The following PAPLN variants were observed in gnomAD, a reference collection of about 807,000 sequenced individuals.
PAPLN encodes the protein papilin, proteoglycan like sulfated glycoprotein, also known as papilin.
In PAPLN, 146 loss-of-function variants were observed where a neutral mutation model predicts 159.0. That is an observed-to-expected ratio of 0.92 (90% CI 0.80 to 1.05). PAPLN has a LOEUF of 1.05. Among genes scored for constraint, PAPLN ranks in the 50% least tolerant of loss-of-function variants. The probability of loss-of-function intolerance (pLI) is 0.00; values close to 1 mark genes in which losing one functional copy is unlikely to be tolerated. For synonymous variants in PAPLN, 734 were observed against 702.9 expected (o/e 1.04, Z -0.70); for missense variants, 1,720 against 1,743.9 (o/e 0.99, Z 0.24).
intron 14 of PAPLN, among the ~76,000 whole-genome samples, chr14:73,257,119 A>G (rs927946131): frequency 5.3e-5 from 8 of 152,048 alleles, no homozygotes; most frequent in Admixed American, 2.6e-4. Context: ...TCACAGGTGC[A>G]GGCCACCATG....
chr14:73,267,773 G>T (rs1887364010), intron 25 of PAPLN, among the ~76,000 whole-genome samples: 1 of 152,198 alleles, frequency 6.6e-6, no homozygotes, highest in Non-Finnish European at 1.5e-5. Flanking sequence ...AGCCTGTCAG[G>T]CCTGCTTCTC....
chr14:73,272,745 C>T lies in PAPLN; in HGVS notation c.*81C>T. The stretch of plus-strand genomic sequence containing the variant: ...GGAAGATGGACTCTTGGCTTCCTCT[C>T]TCTGGCTGGCAAAGGGAGTTATCTT... On this transcript the variant is annotated 3_prime_UTR_variant, in exon 27 of 27. Coordinates refer to ENST00000644200, the MANE Select transcript of PAPLN (RefSeq NM_001365906.3). 7.3e-7 allele frequency: 1 copy of T among 1,367,170 alleles called. No homozygotes were observed. Among genetic ancestry groups the T allele is most frequent in the Non-Finnish European group, 9.7e-7 (1 of 1,035,636 alleles). The allele number at this position is 1,367,170 out of a possible 1,614,324, so 84.7% of individuals were successfully genotyped here.
At chr14:73,247,735 CGT>C (rs141324043) in intron 5 of PAPLN, among the ~76,000 whole-genome samples, 16 of 71,504 alleles carry the variant, frequency 2.2e-4, no homozygotes, top group Admixed American at 3.5e-4. Flanking sequence ...GTCCTCTGTG[CGT>C]GTGTGTGTGT....
intron 12 of PAPLN, 60 bp from the exon 13 acceptor site, chr14:73,254,453 C>T (rs879218971): frequency 5.5e-5 from 87 of 1,585,400 alleles, no homozygotes; most frequent in Middle Eastern, 1.7e-4. Context: ...GCTAGCTGTC[C>T]GAACTGGCGT....
chr14:73,260,166 T>TC (rs1886397135), intron 16 of PAPLN, among the ~76,000 whole-genome samples: 1 of 152,160 alleles, frequency 6.6e-6, no homozygotes, highest in Non-Finnish European at 1.5e-5. Flanking sequence ...GATTTTGGGT[T>TC]CCTCTTCTGA....
chr14:73,269,570 G>T (rs1324078647), intron 26 of PAPLN, among the ~76,000 whole-genome samples: 2 of 152,188 alleles, frequency 1.3e-5, no homozygotes, highest in Admixed American at 1.3e-4. Context: ...ACAGATTGTG[G>T]TTCAGAGTTC....
At position 73,254,959 on chromosome 14, in the gene PAPLN, A is replaced by G; in HGVS notation, c.1568A>G (p.Gln523Arg). ...CCGCCCAGCCACTGCGGGAGCCTGCAGCACTCCAAGCCTGTGGATGTGGAG... is the reference window on the plus strand; with the variant it reads ...CCGCCCAGCCACTGCGGGAGCCTGCGGCACTCCAAGCCTGTGGATGTGGAG... ...IGPPSHCGSL[Q>R]HSKPVDVEPC... Residue 523 changes from glutamine (Q) to arginine (R), a missense_variant, in exon 14 of 27, where the codon CAG becomes CGG. By Grantham distance (43) the Gln-to-Arg change is conservative. Coordinates refer to ENST00000644200, the MANE Select transcript of PAPLN (RefSeq NM_001365906.3). 6.2e-7 allele frequency: 1 copy of G among 1,613,752 alleles called. No individual in the cohort carries two copies. The highest frequency in any genetic ancestry group is 8.5e-7 in the Non-Finnish European group (1 of 1,179,980).
chr14:73,244,780 C>T lies in PAPLN; in HGVS notation c.170+21C>T, dbSNP rs1198592229. ...CAGAGGTAGGAGAGATGAAAATGGG[C>T]CAGCTTGTTAAAGCAGGAGCAGGGG... On this transcript the variant is annotated intron_variant, in intron 3 of 26. Coordinates refer to ENST00000644200, the MANE Select transcript of PAPLN (RefSeq NM_001365906.3). 2.7e-6 allele frequency: 4 copies of T among 1,502,306 alleles called. No homozygotes were observed. The South Asian group carries it at 5.1e-5, about 19-fold the overall frequency. 93.1% of individuals were successfully genotyped at this position (1,502,306 alleles called of 1,614,324 possible). A position where few individuals can be genotyped will look rare whatever the true frequency, so the allele number is the denominator to read the frequency against.
chr14:73,253,986 C>A (rs1279552245), intron 12 of PAPLN, 25 bp downstream of exon 12: 2 of 1,594,718 alleles, frequency 1.3e-6, no homozygotes, highest in Non-Finnish European at 1.7e-6. Flanking sequence ...CCGCATGGGG[C>A]TGGTGCTGGA....
At chr14:73,262,297 G>A in intron 18 of PAPLN, 53 bp from the exon 19 acceptor site, 10 of 1,510,008 alleles carry the variant, frequency 6.6e-6, no homozygotes, top group Non-Finnish European at 8.1e-6. Flanking sequence ...GATGGAGGGT[G>A]CAGCTTTAGT....
Position 73,251,503 on chromosome 14 carries a change from A to G in PAPLN, c.607A>G (p.Ile203Val), listed in dbSNP as rs1367537380. The G allele has an allele frequency of 1.2e-6, 2 of 1,608,866 alleles. No homozygotes were observed. Among genetic ancestry groups the G allele is most frequent in the Non-Finnish European group, 1.7e-6 (2 of 1,179,820 alleles). ...GCCCCCAGGCTACAACCAGATCCTC[A>G]TAGTTCCCATGGGTGCCACCAGCAT... ...DLSRGYNQIL[I>V]VPMGATSILI... Residue 203 changes from isoleucine to valine, a missense_variant, in exon 8 of 27, where the codon ATA becomes GTA. By Grantham distance (29) the Ile-to-Val change is conservative (BLOSUM62 3). Coordinates refer to ENST00000644200, the MANE Select transcript of PAPLN (RefSeq NM_001365906.3).
At chr14:73,237,320 TG>T (rs1883089651), upstream of PAPLN, among the ~76,000 whole-genome samples, 3 of 152,072 alleles carry the variant, frequency 2.0e-5, no homozygotes, top group Admixed American at 2.0e-4. Flanking sequence ...GAGTGGAGGA[TG>T]AGCCAAGCCT....
chr14:73,255,911 G>C (rs1425388616), intron 14 of PAPLN, among the ~76,000 whole-genome samples: 1 of 152,238 alleles, frequency 6.6e-6, no homozygotes, highest in Non-Finnish European at 1.5e-5. Context: ...CTGATTCTCA[G>C]TTTGCCCATC....
chr14:73,254,594 G>A lies in PAPLN; in HGVS notation c.1384G>A (p.Ala462Thr). The A allele has an allele frequency of 1.2e-6, 2 of 1,614,060 alleles. No homozygotes were observed. The highest frequency in any genetic ancestry group is 1.7e-5 in the Admixed American group (1 of 60,014). The change falls in exon 13 of 27, where the codon GCG becomes ACG. Residue 462 changes from alanine (A) to threonine (T), a missense_variant. Transcript: ENST00000644200. ...GERGSLLHTA[A>T]CSLEDRPPLT... Reference sequence around the variant, plus strand: ...AAGGGGTTCTTTGCTCCATACCGCAGCGTGCTCCTTGGAAGACCGGCCACC... The same window carrying A: ...AAGGGGTTCTTTGCTCCATACCGCAACGTGCTCCTTGGAAGACCGGCCACC...
chr14:73,268,626 C>A lies in PAPLN; in HGVS notation c.3570C>A (p.Tyr1190Ter). ...HQSPDGTLLI[Y>*]NLRARDEGSY... ...CCCCAGATGGCACGCTGCTCATTTA[C>A]AACTTGCGGGCCAGGGATGAGGGCT... The change falls in exon 26 of 27, where the codon TAC (tyrosine) becomes TAA (stop). Residue 1190 changes from tyrosine (Y) to a stop codon, truncating the protein, a stop_gained. Transcript: ENST00000644200. LOFTEE classifies it high-confidence loss of function. 6.2e-7 allele frequency: 1 copy of A among 1,614,048 alleles called. No individual in the cohort carries two copies. Among genetic ancestry groups the A allele is most frequent in the Non-Finnish European group, 8.5e-7 (1 of 1,179,978 alleles).
At chr14:73,253,549 T>A (rs1885544209) in intron 11 of PAPLN, among the ~76,000 whole-genome samples, 2 of 151,610 alleles carry the variant, frequency 1.3e-5, no homozygotes, top group South Asian at 4.2e-4. Flanking sequence ...GGGCCCCGAG[T>A]TGTGGGGAGC....
Position 73,262,406 on chromosome 14 carries a change from G to A in PAPLN, c.2302G>A (p.Ala768Thr). ...SAHGSCADWA[A>T]RWYFVASVGQ... Reference sequence around the variant, plus strand: ...CCATGGCTCTTGCGCAGACTGGGCTGCCCGCTGGTACTTCGTTGCCTCTGT... The same window carrying A: ...CCATGGCTCTTGCGCAGACTGGGCTACCCGCTGGTACTTCGTTGCCTCTGT... Residue 768 changes from alanine (A) to threonine (T), a missense_variant, in exon 19 of 27, where the codon GCC becomes ACC. By Grantham distance (58) the Ala-to-Thr change is moderately conservative. Coordinates refer to ENST00000644200, the MANE Select transcript of PAPLN (RefSeq NM_001365906.3). 1.2e-6 allele frequency: 2 copies of A among 1,614,000 alleles called. No homozygotes were observed. Among genetic ancestry groups the A allele is most frequent in the Non-Finnish European group, 1.7e-6 (2 of 1,179,966 alleles).
intron 26 of PAPLN, chr14:73,272,143 C>T (rs940155371): frequency 1.1e-5 from 2 of 176,716 alleles, no homozygotes; most frequent in East Asian, 3.0e-4. Flanking sequence ...GAGGCAAGAA[C>T]AGTTGTCATT....
At position 73,251,468 on chromosome 14, in the gene PAPLN, C is replaced by G; in HGVS notation, c.590-18C>G. The G allele has an allele frequency of 6.2e-7, 1 of 1,601,272 alleles. No individual in the cohort carries two copies. Among genetic ancestry groups the G allele is most frequent in the Non-Finnish European group, 8.5e-7 (1 of 1,179,314 alleles). On this transcript the variant is annotated intron_variant, in intron 7 of 26. Transcript: ENST00000644200. ...AGGGATAGCCCAGCACACCCAGCACCTGCGTCTCTGCCCCCAGGCTACAAC... is the reference window on the plus strand; with the variant it reads ...AGGGATAGCCCAGCACACCCAGCACGTGCGTCTCTGCCCCCAGGCTACAAC...
Sources: gnomAD v4.1 joint callset for allele counts (sites outside exome capture counted in the v4.1 genomes callset) on GRCh38, gnomAD v4.1.1 for gene constraint, MANE v1.5 for transcripts, NCBI Gene and HGNC (gene_info 2026-07-23, HGNC 2026-07-21) for gene names.